The following RANBP17 variants were observed in gnomAD, a reference collection of about 807,000 sequenced individuals.
The protein encoded by RANBP17 is RAN binding protein 17.
RANBP17 carries 158 observed loss-of-function variants against 141.2 expected under a neutral mutation model. The ratio of observed to expected loss-of-function variants is 1.12; its 90% CI spans 0.98 to 1.28. The LOEUF (loss-of-function observed/expected upper bound fraction) is 1.28, where lower values mean the gene tolerates loss of function less well. RANBP17 is among the 50% of genes most tolerant of loss of function. RANBP17 has a pLI of 0.00. For synonymous variants in RANBP17, 430 were observed against 450.0 expected, an observed-to-expected ratio of 0.96 and a Z score of 0.56; for missense variants, 1,438 against 1,290.7, an observed-to-expected ratio of 1.11 and a Z score of -1.75.
chr5:170,989,308 C>G (rs527690351), intron 14 of RANBP17, among the ~76,000 whole-genome samples: 2 of 151,814 alleles, frequency 1.3e-5, no homozygotes, highest in South Asian at 4.2e-4. Flanking sequence ...TCTTTGCTTC[C>G]TCTTCAGTGA....
At chr5:171,103,553 C>G (rs1183342399) in intron 14 of RANBP17, among the ~76,000 whole-genome samples, 1 of 152,108 alleles carries the variant, frequency 6.6e-6, no homozygotes, top group Non-Finnish European at 1.5e-5. Flanking sequence ...GGGGTGAGAT[C>G]TGCTAAGCTA....
intron 14 of RANBP17, among the ~76,000 whole-genome samples, chr5:171,141,851 G>A (rs76419135): frequency 2.5e-3 from 382 of 152,102 alleles, no homozygotes; most frequent in African/African-American, 8.9e-3. Flanking sequence ...ATGACCTAAC[G>A]CTGAATAATA....
chr5:171,066,377 G>C (rs1259478119), intron 14 of RANBP17, among the ~76,000 whole-genome samples: 2 of 152,072 alleles, frequency 1.3e-5, no homozygotes, highest in South Asian at 4.1e-4. Flanking sequence ...TTTATGAGGA[G>C]TTCAGGTTTT....
At chr5:170,937,022 CTTTATA>C (rs937393515) in intron 12 of RANBP17, among the ~76,000 whole-genome samples, 3 of 152,110 alleles carry the variant, frequency 2.0e-5, no homozygotes, top group Non-Finnish European at 2.9e-5. Flanking sequence ...CTGCCTGTGT[CTTTATA>C]TTTAAAGTGT....
At chr5:170,884,846 G>A (rs1056067891) in intron 3 of RANBP17, among the ~76,000 whole-genome samples, 8 of 151,766 alleles carry the variant, frequency 5.3e-5, no homozygotes, top group African/African-American at 1.9e-4. Flanking sequence ...TGGCACTGCT[G>A]TTTCTACTAC....
intron 14 of RANBP17, among the ~76,000 whole-genome samples, chr5:170,979,762 A>T (rs1249273959): frequency 6.6e-6 from 1 of 152,194 alleles, no homozygotes; most frequent in Non-Finnish European, 1.5e-5. Flanking sequence ...TTCTTTTGTA[A>T]ATTGCCCAGT....
intron 14 of RANBP17, among the ~76,000 whole-genome samples, chr5:171,164,022 CTT>C (rs1759515846): frequency 6.6e-6 from 1 of 152,102 alleles, no homozygotes; most frequent in Non-Finnish European, 1.5e-5. Context: ...TATAAAAACT[CTT>C]TTGAAAACCT....
chr5:171,068,432 G>C (rs541014462), intron 14 of RANBP17, among the ~76,000 whole-genome samples: 1 of 152,012 alleles, frequency 6.6e-6, no homozygotes, highest in Non-Finnish European at 1.5e-5. Context: ...TTTTCTTCCT[G>C]TGCATAGCTT....
At chr5:171,252,229 T>A in intron 24 of RANBP17, 2 of 1,573,924 alleles carry the variant, frequency 1.3e-6, no homozygotes, top group Non-Finnish European at 1.7e-6. Flanking sequence ...TGCTGATATT[T>A]TACAAGAAGA....
chr5:170,954,952 C>T (rs1345370415), intron 13 of RANBP17, among the ~76,000 whole-genome samples: 1 of 152,174 alleles, frequency 6.6e-6, no homozygotes, highest in Admixed American at 6.5e-5. Flanking sequence ...GCAAGGATTA[C>T]TGCCTGAGCT....
At chr5:170,903,828 G>T in intron 5 of RANBP17, 1 of 434,288 alleles carries the variant, frequency 2.3e-6, no homozygotes, top group Non-Finnish European at 4.5e-6. Flanking sequence ...CAACATTGTG[G>T]CAAATTTGCT....
At chr5:171,251,877 A>G in intron 24 of RANBP17, 1 of 1,484,704 alleles carries the variant, frequency 6.7e-7, no homozygotes, top group South Asian at 1.1e-5. Context: ...ATGCTTCGGC[A>G]TTAGAGAAGG....
intron 22 of RANBP17, among the ~76,000 whole-genome samples, chr5:171,238,284 C>T (rs1202096342): frequency 2.0e-5 from 3 of 152,130 alleles, no homozygotes; most frequent in Admixed American, 2.0e-4. Context: ...TTGCAACCTT[C>T]GGCATAAATG....
intron 14 of RANBP17, among the ~76,000 whole-genome samples, chr5:171,012,111 T>C (rs1780099765): frequency 6.6e-6 from 1 of 151,822 alleles, no homozygotes; most frequent in Non-Finnish European, 1.5e-5. Context: ...AATACATTTG[T>C]TTAAACAAAT....
chr5:170,885,027 C>G (rs1313785800), intron 3 of RANBP17, among the ~76,000 whole-genome samples: 1 of 152,046 alleles, frequency 6.6e-6, no homozygotes, highest in East Asian at 1.9e-4. Flanking sequence ...TGAGTAATGT[C>G]TGACAGGCTT....
intron 14 of RANBP17, among the ~76,000 whole-genome samples, chr5:171,035,910 T>C (rs1014303572): frequency 4.6e-5 from 7 of 151,920 alleles, no homozygotes; most frequent in African/African-American, 1.7e-4. Flanking sequence ...CTTTCTTTCT[T>C]TGAGACAGAG....
At chr5:171,030,186 T>G (rs1308927653) in intron 14 of RANBP17, among the ~76,000 whole-genome samples, 1 of 152,124 alleles carries the variant, frequency 6.6e-6, no homozygotes, top group African/African-American at 2.4e-5. Flanking sequence ...GTAAGAATAC[T>G]GTTGGCTTCT....
At chr5:171,153,106 G>A (rs1581746630) in intron 14 of RANBP17, among the ~76,000 whole-genome samples, 1 of 152,230 alleles carries the variant, frequency 6.6e-6, no homozygotes, top group East Asian at 1.9e-4. Context: ...AACTAGGACA[G>A]TGCTAGATTA....
At chr5:170,871,295 C>A (rs1471164146) in intron 1 of RANBP17, among the ~76,000 whole-genome samples, 1 of 92,298 alleles carries the variant, frequency 1.1e-5, no homozygotes, top group Admixed American at 1.2e-4. Flanking sequence ...GATCCGCCTG[C>A]CTCTGCCTCC....
Sources: allele counts gnomAD v4.1 joint callset (sites outside exome capture counted in the v4.1 genomes callset), GRCh38; gene constraint gnomAD v4.1.1; transcripts MANE v1.5; gene names NCBI Gene and HGNC (gene_info 2026-07-23, HGNC 2026-07-21).